The following FLRT1 variants were observed in gnomAD, a reference collection of about 807,000 sequenced individuals.
FLRT1 encodes the protein fibronectin leucine rich transmembrane protein 1.
In FLRT1, 14 loss-of-function variants were observed where a neutral mutation model predicts 30.9. The observed-to-expected ratio is 0.45, with a 90% CI of 0.30 to 0.71. FLRT1 has a LOEUF of 0.71. Ranked by LOEUF, FLRT1 falls within the 30% of genes least tolerant of loss-of-function variation. The pLI, the probability that FLRT1 is intolerant of heterozygous loss-of-function variation, is 0.08. For missense variants in FLRT1, 737 were observed against 949.2 expected, an observed-to-expected ratio of 0.78 and a Z score of 2.94; for synonymous variants, 368 against 430.4, an observed-to-expected ratio of 0.85 and a Z score of 1.80.
At chr11:64,055,722 G>A (rs1422074159) in intron 1 of FLRT1, among the ~76,000 whole-genome samples, 1 of 152,170 alleles carries the variant, frequency 6.6e-6, no homozygotes, top group Non-Finnish European at 1.5e-5. Context: ...TGGATGATGG[G>A]CCATGGGAGG....
chr11:64,105,038 C>T (rs1200420173), intron 2 of FLRT1, among the ~76,000 whole-genome samples: 1 of 152,264 alleles, frequency 6.6e-6, no homozygotes, highest in Non-Finnish European at 1.5e-5. Flanking sequence ...ATGATTGCAC[C>T]AGGGCCTGGG....
intron 1 of FLRT1, among the ~76,000 whole-genome samples, chr11:64,094,471 T>C (rs2134534933): frequency 6.6e-6 from 1 of 150,694 alleles, no homozygotes; most frequent in South Asian, 2.1e-4. Context: ...TTAAGCAGGC[T>C]GGGGACAAGG....
At chr11:64,058,835 C>G (rs1232580600) in intron 1 of FLRT1, among the ~76,000 whole-genome samples, 1 of 152,158 alleles carries the variant, frequency 6.6e-6, no homozygotes. Flanking sequence ...AAGAGGGCAG[C>G]CGGCAAGGGG....
At chr11:64,085,170 G>C (rs1300269671) in intron 1 of FLRT1, among the ~76,000 whole-genome samples, 1 of 152,186 alleles carries the variant, frequency 6.6e-6, no homozygotes, top group Non-Finnish European at 1.5e-5. Context: ...TGAGGGCAGA[G>C]GGCAGCTTGG....
Position 64,036,276 on chromosome 11 carries a change from C to G in FLRT1, c.-1038+117C>G. ...ACCGAAGCGCCACGGGGTCAGGCAG[C>G]CTGGCTTTGCCCCAGAGCGGCGGGA... On this transcript the variant is annotated intron_variant, in intron 1 of 2. Coordinates refer to ENST00000682287, the MANE Select transcript of FLRT1 (RefSeq NM_013280.5). This position sits in a 1 kb window ranked among gnomAD's most constrained non-coding sequence, Gnocchi z 5.6. 6.6e-6 allele frequency: 1 copy of G among 152,226 alleles called. No individual in the cohort carries two copies. Among genetic ancestry groups the G allele is most frequent in the Non-Finnish European group, 1.5e-5 (1 of 68,118 alleles). The allele number at this position is 152,226 out of a possible 1,614,324, so 9.4% of individuals were successfully genotyped here. A position where few individuals can be genotyped will look rare whatever the true frequency, so the allele number is the denominator to read the frequency against.
chr11:64,053,309 AT>A (rs1943727758), intron 1 of FLRT1, among the ~76,000 whole-genome samples: 1 of 152,176 alleles, frequency 6.6e-6, no homozygotes. Flanking sequence ...TACCCTTTTA[AT>A]TAAGCCAATT....
Position 64,038,867 on chromosome 11 carries a change from C to T in FLRT1, c.-1038+2708C>T, listed in dbSNP as rs372226502. On this transcript the variant is annotated intron_variant, in intron 1 of 2. Transcript: ENST00000682287. ...TTTCTCTACCTGGCCTGCTAACCTT[C>T]GGCAAGTGACCCGTCTTCCTCATCT... is the stretch of plus-strand genomic sequence containing the variant. Among the ~76,000 whole-genome samples the T allele has an allele frequency of 1.1e-4, 17 of 152,300 alleles. No homozygotes were observed. In the East Asian group the frequency reaches 1.5e-3, roughly 14 times the overall value.
chr11:64,117,008 A>C lies in FLRT1; in HGVS notation c.741A>C (p.Leu247=). The C allele has an allele frequency of 6.2e-7, 1 of 1,612,478 alleles. No individual in the cohort carries two copies. The highest frequency in any genetic ancestry group is 1.3e-5 in the African/African-American group (1 of 75,000). The change falls in exon 3 of 3, where the codon CTA becomes CTC. Residue 247 remains leucine, a synonymous_variant. Coordinates refer to ENST00000682287, the MANE Select transcript of FLRT1 (RefSeq NM_013280.5). ...TCGCCGACGACACCTTCAGCCGCCT[A>C]CAGAACCTCACAGAGCTCTCGCTGG... The part of the protein sequence containing the change: ...QRIADDTFSR[L]QNLTELSLVR...
intron 1 of FLRT1, among the ~76,000 whole-genome samples, chr11:64,098,645 T>C (rs1944619580): frequency 6.6e-6 from 1 of 152,192 alleles, no homozygotes; most frequent in South Asian, 2.1e-4. Flanking sequence ...TTTTCATCTA[T>C]AAAGGTCAGA....
chr11:64,051,421 G>A (rs2134413062), intron 1 of FLRT1, among the ~76,000 whole-genome samples: 1 of 152,308 alleles, frequency 6.6e-6, no homozygotes, highest in African/African-American at 2.4e-5. Flanking sequence ...AGTGGTGACA[G>A]TGATGGCGGA....
chr11:64,098,297 C>T (rs1221480883), intron 1 of FLRT1, among the ~76,000 whole-genome samples: 4 of 152,224 alleles, frequency 2.6e-5, no homozygotes, highest in Admixed American at 6.5e-5. Context: ...GCTCGGATCA[C>T]GGCCCTCCAC....
At chr11:64,072,913 C>T (rs1944135052) in intron 1 of FLRT1, among the ~76,000 whole-genome samples, 1 of 152,180 alleles carries the variant, frequency 6.6e-6, no homozygotes, top group Admixed American at 6.5e-5. Flanking sequence ...TCAAAAGAGT[C>T]AGGTTCTCAA....
At chr11:64,052,684 A>T (rs1943716130) in intron 1 of FLRT1, among the ~76,000 whole-genome samples, 1 of 152,200 alleles carries the variant, frequency 6.6e-6, no homozygotes, top group South Asian at 2.1e-4. Flanking sequence ...TGTTTTGCAA[A>T]TGAGGAAATG....
Position 64,116,666 on chromosome 11 carries a change from C to T in FLRT1, c.399C>T (p.His133=), listed in dbSNP as rs765124102. ...TGCCCCGCTCCCTCCGGGAGCTGCA[C>T]CTGCAGGACAACAATGTGCGCACCA... ...INLPRSLREL[H]LQDNNVRTIA... The change falls in exon 3 of 3, where the codon CAC becomes CAT. Residue 133 remains histidine (H), a synonymous_variant. Coordinates refer to ENST00000682287, the MANE Select transcript of FLRT1 (RefSeq NM_013280.5). 26 of 1,613,920 alleles carry T rather than the reference C, an allele frequency of 1.6e-5. No homozygotes were observed. The South Asian group carries it at 2.6e-4, about 16-fold the overall frequency.
At chr11:64,075,977 C>A (rs1944193417) in intron 1 of FLRT1, among the ~76,000 whole-genome samples, 1 of 152,234 alleles carries the variant, frequency 6.6e-6, no homozygotes, top group Non-Finnish European at 1.5e-5. Context: ...CCCGGCCTGG[C>A]CCTGTCTTCT....
intron 1 of FLRT1, among the ~76,000 whole-genome samples, chr11:64,065,416 C>T (rs955869877): frequency 6.6e-6 from 1 of 152,132 alleles, no homozygotes; most frequent in Non-Finnish European, 1.5e-5. Flanking sequence ...CCACTACCTC[C>T]GCTCCAAAAC....
At chr11:64,051,208 G>C (rs3897565) in intron 1 of FLRT1, among the ~76,000 whole-genome samples, 3,504 of 152,344 alleles carry the variant, frequency 0.023, 129 homozygotes, top group African/African-American at 0.077. Context: ...GGGGCCAGGG[G>C]TGCCAAGACA....
At position 64,064,242 on chromosome 11, in the gene FLRT1, G is replaced by C. The variant is rs568453931; in HGVS notation, c.-1038+28083G>C. On this transcript the variant is annotated intron_variant, in intron 1 of 2. Transcript: ENST00000682287. This position sits in a 1 kb window ranked among gnomAD's most constrained non-coding sequence, Gnocchi z 4.5. The stretch of plus-strand genomic sequence containing the variant: ...AAAAAATCCCAAACTGCACAGCCTA[G>C]GGTTGGGGACAAAAAGCAACCAAGC... Among the ~76,000 whole-genome samples the C allele has an allele frequency of 6.6e-6, 1 of 152,320 alleles. No homozygotes were observed. The highest frequency in any genetic ancestry group is 1.5e-5 in the Non-Finnish European group (1 of 68,034).
chr11:64,063,537 C>T (rs1218398302), intron 1 of FLRT1, among the ~76,000 whole-genome samples: 1 of 152,202 alleles, frequency 6.6e-6, no homozygotes, highest in Non-Finnish European at 1.5e-5. Flanking sequence ...CCAAAAGTCT[C>T]CGTTACTGCC....
Sources: allele counts gnomAD v4.1 joint callset (sites outside exome capture counted in the v4.1 genomes callset), GRCh38; gene constraint gnomAD v4.1.1; non-coding constraint Gnocchi (gnomAD v3.1); transcripts MANE v1.5; gene names NCBI Gene and HGNC (gene_info 2026-07-23, HGNC 2026-07-21).